The following BATF variants were observed in gnomAD, a reference collection of about 807,000 sequenced individuals.
BATF encodes the protein basic leucine zipper transcriptional factor ATF-like.
A neutral mutation model predicts 13.7 loss-of-function variants in BATF; 5 were observed. The ratio of observed to expected loss-of-function variants is 0.36; its 90% CI spans 0.19 to 0.77. BATF has a LOEUF of 0.77. BATF is among the 30% of genes least tolerant of loss of function. The pLI is 0.51. For synonymous variants in BATF, 72 were observed against 67.5 expected (o/e 1.07, Z -0.33); for missense variants, 124 against 163.0 (o/e 0.76, Z 1.30).
rs188823915 is a variant in BATF at position 75,538,077 on chromosome 14, G to A, written c.169-8385G>A. Among the ~76,000 whole-genome samples the A allele has an allele frequency of 5.5e-4, 84 of 152,180 alleles. 1 individual carries two copies. The highest frequency in any genetic ancestry group is 2.0e-3 in the African/African-American group (81 of 41,528). On this transcript the variant is annotated intron_variant, in intron 2 of 2. Coordinates refer to ENST00000286639, the MANE Select transcript of BATF (RefSeq NM_006399.5). The stretch of plus-strand genomic sequence containing the variant: ...AGGCACAAATGATCCTCCCACCTTG[G>A]CCTCCCAAATAGCTGGGACTACAGG...
chr14:75,530,410 C>T (rs1887716220), intron 2 of BATF, among the ~76,000 whole-genome samples: 1 of 152,134 alleles, frequency 6.6e-6, no homozygotes, highest in Non-Finnish European at 1.5e-5. Flanking sequence ...ATCCACACAT[C>T]ATACAATTCT....
At chr14:75,535,107 A>G (rs1887798230) in intron 2 of BATF, among the ~76,000 whole-genome samples, 2 of 152,212 alleles carry the variant, frequency 1.3e-5, no homozygotes, top group African/African-American at 2.4e-5. Flanking sequence ...TTGTAAAAAT[A>G]AGTATGCATG....
chr14:75,546,368 C>A, intron 2 of BATF, 94 bp from the exon 3 acceptor site: 1 of 1,283,132 alleles, frequency 7.8e-7, no homozygotes, highest in Non-Finnish European at 1.1e-6. Context: ...TGCTAGTGAA[C>A]AACTAATCTG....
intron 2 of BATF, among the ~76,000 whole-genome samples, chr14:75,536,368 G>T (rs1248356310): frequency 6.6e-6 from 1 of 152,154 alleles, no homozygotes; most frequent in African/African-American, 2.4e-5. Flanking sequence ...AGGTCAGAAA[G>T]GTGCTTGGTA....
intron 2 of BATF, among the ~76,000 whole-genome samples, chr14:75,530,241 T>A (rs1887714318): frequency 6.6e-6 from 1 of 152,092 alleles, no homozygotes; most frequent in African/African-American, 2.4e-5. Context: ...TGATACACGA[T>A]GTTGCCAAGG....
chr14:75,529,916 T>C (rs186411093), intron 2 of BATF, among the ~76,000 whole-genome samples: 2,805 of 152,002 alleles, frequency 0.018, 98 homozygotes, highest in African/African-American at 0.064. Context: ...TACAAAAAAT[T>C]AGCCAGGCGT....
intron 2 of BATF, among the ~76,000 whole-genome samples, chr14:75,525,829 C>T (rs1887646139): frequency 1.3e-5 from 2 of 152,096 alleles, no homozygotes; most frequent in South Asian, 4.2e-4. Flanking sequence ...CCCATTGTCT[C>T]GCAGTGCAAG....
chr14:75,542,610 G>A (rs772679880), intron 2 of BATF, among the ~76,000 whole-genome samples: 2 of 152,262 alleles, frequency 1.3e-5, no homozygotes, highest in Non-Finnish European at 2.9e-5. Context: ...GACATGGAGG[G>A]ACGAGGCCCC....
chr14:75,525,406 T>A (rs887080765), intron 2 of BATF, among the ~76,000 whole-genome samples: 3 of 152,090 alleles, frequency 2.0e-5, no homozygotes, highest in Middle Eastern at 6.8e-3. Context: ...CTCACACCTG[T>A]AATCCCAGCA....
intron 2 of BATF, among the ~76,000 whole-genome samples, chr14:75,533,483 G>A (rs889642648): frequency 1.3e-5 from 2 of 151,858 alleles, no homozygotes; most frequent in African/African-American, 4.8e-5. Context: ...ATGGTCCTAG[G>A]TCACAAACTG....
intron 2 of BATF, among the ~76,000 whole-genome samples, chr14:75,527,340 A>G (rs528586388): frequency 6.6e-6 from 1 of 152,328 alleles, no homozygotes; most frequent in Admixed American, 6.5e-5. Flanking sequence ...CTTAAAGGCT[A>G]GAAAGTTTAG....
At chr14:75,535,356 A>G (rs1323168120) in intron 2 of BATF, among the ~76,000 whole-genome samples, 3 of 152,206 alleles carry the variant, frequency 2.0e-5, no homozygotes, top group African/African-American at 7.2e-5. Flanking sequence ...GGCTGCAGTG[A>G]GCCCTGATTA....
rs370307047 is a variant in BATF at position 75,543,775 on chromosome 14, G to A, written c.169-2687G>A. 3.7e-4 allele frequency among the ~76,000 whole-genome samples: 56 copies of A among 151,482 alleles called. No homozygotes were observed. In the East Asian group the frequency reaches 9.7e-3, roughly 26 times the overall value. On this transcript the variant is annotated intron_variant, in intron 2 of 2. Transcript: ENST00000286639. Reference sequence around the variant, plus strand: ...GCTCTCAGGAGGTAGAGGTTGCAGTGAGCTGAGATCGCACCATTGTACTCC... The same window carrying A: ...GCTCTCAGGAGGTAGAGGTTGCAGTAAGCTGAGATCGCACCATTGTACTCC...
chr14:75,531,155 C>T lies in BATF; in HGVS notation c.168+5967C>T, dbSNP rs1178525112. 2.6e-5 allele frequency among the ~76,000 whole-genome samples: 4 copies of T among 152,172 alleles called. No individual in the cohort carries two copies. The East Asian group carries it at 7.7e-4, about 29-fold the overall frequency. ...TTCAATCTTGACGTTATCTTTTGAA[C>T]ATCATACATAAATATCTCAGCCCTT... On this transcript the variant is annotated intron_variant, in intron 2 of 2. Coordinates refer to ENST00000286639, the MANE Select transcript of BATF (RefSeq NM_006399.5).
chr14:75,533,423 G>A (rs1887768877), intron 2 of BATF, among the ~76,000 whole-genome samples: 2 of 133,930 alleles, frequency 1.5e-5, no homozygotes, highest in African/African-American at 2.9e-5. Context: ...GTGAGACTCC[G>A]TCTCAAAAAA....
At chr14:75,544,792 A>ATT (rs55834315) in intron 2 of BATF, among the ~76,000 whole-genome samples, 13,810 of 132,906 alleles carry the variant, frequency 0.1, 924 homozygotes, top group African/African-American at 0.18. Flanking sequence ...TTGAACTGAA[A>ATT]TTTTTTTTTT....
chr14:75,532,729 G>C (rs1462363619), intron 2 of BATF, among the ~76,000 whole-genome samples: 1 of 152,164 alleles, frequency 6.6e-6, no homozygotes, highest in African/African-American at 2.4e-5. Context: ...AATTTATGCT[G>C]GTACTAAAAA....
chr14:75,544,566 A>AGG (rs1246586624), intron 2 of BATF, among the ~76,000 whole-genome samples: 1,693 of 146,434 alleles, frequency 0.012, 53 homozygotes, highest in African/African-American at 0.039. Context: ...CTGTCTCAAA[A>AGG]AAAAAAAAAA....
intron 2 of BATF, among the ~76,000 whole-genome samples, chr14:75,527,170 T>C (rs1406566408): frequency 2.0e-5 from 3 of 152,180 alleles, no homozygotes; most frequent in Non-Finnish European, 2.9e-5. Context: ...ACACAATGCC[T>C]GTCATTCATA....
Sources: gnomAD v4.1 joint callset for allele counts (sites outside exome capture counted in the v4.1 genomes callset) on GRCh38, gnomAD v4.1.1 for gene constraint, MANE v1.5 for transcripts, NCBI Gene and HGNC (gene_info 2026-07-23, HGNC 2026-07-21) for gene names.